ABTB3: variants seen among roughly 807,000 people sequenced by gnomAD.
ABTB3 encodes ankyrin repeat and BTB domain containing 3.
chr12:107,321,862 C>T, the ABTB3 span, among the ~76,000 whole-genome samples: 1 of 152,132 alleles, frequency 6.6e-6, no homozygotes, highest in Admixed American at 6.5e-5. Flanking sequence ...CAGCTCCTTA[C>T]CCACCTTCTG....
At chr12:107,326,079 AT>A in the ABTB3 span, among the ~76,000 whole-genome samples, 1 of 152,022 alleles carries the variant, frequency 6.6e-6, no homozygotes, top group Admixed American at 6.5e-5. Flanking sequence ...CTAATTTTGT[AT>A]TTTTAGTAGA....
At chr12:107,332,980 T>C in the ABTB3 span, among the ~76,000 whole-genome samples, 39 of 152,294 alleles carry the variant, frequency 2.6e-4, no homozygotes, top group Middle Eastern at 3.4e-3. Flanking sequence ...AAGAAGTTTC[T>C]CAGTAGGAGA....
chr12:107,558,325 C>T, the ABTB3 span, among the ~76,000 whole-genome samples: 1 of 152,228 alleles, frequency 6.6e-6, no homozygotes, highest in African/African-American at 2.4e-5. Flanking sequence ...GCTCCCAAAG[C>T]CACGATGTCC....
chr12:107,525,956 T>C, the ABTB3 span, among the ~76,000 whole-genome samples: 1 of 152,358 alleles, frequency 6.6e-6, no homozygotes, highest in African/African-American at 2.4e-5. Context: ...AGCTAGTAAG[T>C]GGCAGTCATA....
chr12:107,347,400 C>T, the ABTB3 span, among the ~76,000 whole-genome samples: 7 of 152,288 alleles, frequency 4.6e-5, no homozygotes, highest in African/African-American at 1.7e-4. Context: ...AACATATTGG[C>T]TTCAAGAAAC....
the ABTB3 span, chr12:107,319,744 G>C: frequency 6.6e-7 from 1 of 1,524,976 alleles, no homozygotes; most frequent in Non-Finnish European, 8.8e-7. Flanking sequence ...GGTCAGGCTC[G>C]GGCTCCGGCC....
the ABTB3 span, among the ~76,000 whole-genome samples, chr12:107,332,833 G>A: frequency 6.6e-6 from 1 of 152,176 alleles, no homozygotes; most frequent in African/African-American, 2.4e-5. Context: ...CTAGGGTTGG[G>A]CTACAGATTT....
the ABTB3 span, among the ~76,000 whole-genome samples, chr12:107,474,193 T>C: frequency 3.9e-5 from 6 of 152,156 alleles, no homozygotes; most frequent in Admixed American, 1.3e-4. Context: ...GGGAGCGGAA[T>C]GGCTGAGTCC....
At chr12:107,568,408 C>T in the ABTB3 span, among the ~76,000 whole-genome samples, 1 of 152,086 alleles carries the variant, frequency 6.6e-6, no homozygotes. Flanking sequence ...TAATATCTAC[C>T]ATAGCCCCCT....
chr12:107,590,819 T>G, the ABTB3 span, among the ~76,000 whole-genome samples: 1 of 152,204 alleles, frequency 6.6e-6, no homozygotes, highest in East Asian at 1.9e-4. Context: ...TTTGGCTTCC[T>G]GGGAAACAGG....
chr12:107,440,930 A>T, the ABTB3 span, among the ~76,000 whole-genome samples: 1 of 152,184 alleles, frequency 6.6e-6, no homozygotes, highest in South Asian at 2.1e-4. Flanking sequence ...CTCCCATTTT[A>T]TAGATGAGGA....
At chr12:107,410,898 T>C in the ABTB3 span, among the ~76,000 whole-genome samples, 1 of 151,998 alleles carries the variant, frequency 6.6e-6, no homozygotes, top group Non-Finnish European at 1.5e-5. Context: ...GCTTTCAGGG[T>C]ATAGACAGAG....
chr12:107,567,182 T>A, the ABTB3 span, among the ~76,000 whole-genome samples: 1 of 152,326 alleles, frequency 6.6e-6, no homozygotes, highest in South Asian at 2.1e-4. Flanking sequence ...GTGCTCAGAG[T>A]AGTCAGGGTC....
chr12:107,604,153 A>G, the ABTB3 span, among the ~76,000 whole-genome samples: 1 of 151,946 alleles, frequency 6.6e-6, no homozygotes, highest in East Asian at 1.9e-4. Flanking sequence ...TGGGCGACAG[A>G]GTGAGACTCC....
chr12:107,354,862 G>T, the ABTB3 span, among the ~76,000 whole-genome samples: 1 of 152,156 alleles, frequency 6.6e-6, no homozygotes, highest in Admixed American at 6.5e-5. Flanking sequence ...CAATTCACTG[G>T]TTTATTCTCT....
At chr12:107,367,800 C>CG in the ABTB3 span, among the ~76,000 whole-genome samples, 2 of 151,904 alleles carry the variant, frequency 1.3e-5, no homozygotes, top group African/African-American at 4.8e-5. Flanking sequence ...CCACCACTCC[C>CG]GGCCTCTCTC....
chr12:107,387,027 G>T, the ABTB3 span, among the ~76,000 whole-genome samples: 4 of 151,172 alleles, frequency 2.6e-5, no homozygotes, highest in Non-Finnish European at 5.9e-5. Flanking sequence ...GCCCAAGCTG[G>T]AGTGCAGTGG....
chr12:107,459,871 G>A, the ABTB3 span, among the ~76,000 whole-genome samples: 2 of 152,194 alleles, frequency 1.3e-5, no homozygotes, highest in Non-Finnish European at 2.9e-5. Context: ...CCTACAGCCC[G>A]ACTGAGCATG....
chr12:107,325,048 G>A, the ABTB3 span, among the ~76,000 whole-genome samples: 7 of 152,238 alleles, frequency 4.6e-5, no homozygotes, highest in East Asian at 1.3e-3. Context: ...AAAAGCACCT[G>A]CCACATAGTA....
Sources: gnomAD v4.1 joint callset for allele counts (sites outside exome capture counted in the v4.1 genomes callset) on GRCh38, gnomAD v4.1.1 for gene constraint, MANE v1.5 for transcripts, NCBI Gene and HGNC (gene_info 2026-07-23, HGNC 2026-07-21) for gene names.